The following NDUFV1 variants were observed in gnomAD, a reference collection of about 807,000 sequenced individuals.
NDUFV1 encodes NADH:ubiquinone oxidoreductase core subunit V1, also known as NADH dehydrogenase [ubiquinone] flavoprotein 1, mitochondrial.
NDUFV1 carries 41 observed loss-of-function variants against 48.7 expected under a neutral mutation model. That is an observed-to-expected ratio of 0.84 (90% CI 0.66 to 1.09). The LOEUF (loss-of-function observed/expected upper bound fraction) is 1.09. Among genes scored for constraint, NDUFV1 ranks in the 50% least tolerant of loss-of-function variants. The pLI, the probability that NDUFV1 is intolerant of heterozygous loss-of-function variation, is 0.00. For synonymous variants in NDUFV1, 231 were observed against 259.1 expected (o/e 0.89, Z 1.04); for missense variants, 580 against 645.4 (o/e 0.90, Z 1.10).
At chr11:67,609,838 T>A in intron 4 of NDUFV1, 5 of 225,504 alleles carry the variant, frequency 2.2e-5, no homozygotes, top group Middle Eastern at 1.5e-3. Context: ...CTGGTGTAAA[T>A]TTTTTTTTTT....
chr11:67,611,338 C>G lies in NDUFV1; in HGVS notation c.914-65C>G. The stretch of plus-strand genomic sequence containing the variant: ...GCTGACTAAGGGCCTGGGCTCAGGA[C>G]TAGGCAGGTGTGCCGGCCCCAGCCC... On this transcript the variant is annotated intron_variant, in intron 6 of 9. Transcript: ENST00000322776. This position sits in a 1 kb window ranked among gnomAD's most constrained non-coding sequence, Gnocchi z 4.2. 1 of 1,601,806 alleles carries G rather than the reference C, an allele frequency of 6.2e-7. No homozygotes were observed. Among genetic ancestry groups the G allele is most frequent in the Non-Finnish European group, 8.5e-7 (1 of 1,173,210 alleles).
chr11:67,611,742 G>A lies in NDUFV1; in HGVS notation c.1081-155G>A. The A allele has an allele frequency of 7.3e-7, 1 of 1,364,580 alleles. No homozygotes were observed. Among genetic ancestry groups the A allele is most frequent in the Non-Finnish European group, 1.0e-6 (1 of 983,410 alleles). 84.5% of individuals were successfully genotyped at this position (1,364,580 alleles called of 1,614,324 possible). A position where few individuals can be genotyped will look rare whatever the true frequency, so the allele number is the denominator to read the frequency against. On this transcript the variant is annotated intron_variant, in intron 7 of 9. Transcript: ENST00000322776. The surrounding 1 kb of genome is among the most constrained non-coding windows in gnomAD (Gnocchi z 4.2). The stretch of plus-strand genomic sequence containing the variant: ...CTCTGAGGAGAATACCCCGGAGTCT[G>A]GGCAGCACAGGGGGCCCAGGGAGGC...
Position 67,611,529 on chromosome 11 carries a change from C to A in NDUFV1, c.1040C>A (p.Thr347Lys). 1 of 1,612,114 alleles carries A rather than the reference C, an allele frequency of 6.2e-7. No homozygotes were observed. Among genetic ancestry groups the A allele is most frequent in the Non-Finnish European group, 8.5e-7 (1 of 1,179,162 alleles). Reference protein sequence around the residue: ...MDFDALVQAQTGLGTAAVIVM... With the variant: ...MDFDALVQAQKGLGTAAVIVM... ...TTCGATGCGCTGGTGCAGGCACAGA[C>A]AGGCCTGGGCACAGCTGCGGTGATC... Residue 347 changes from threonine to lysine, a missense_variant, in exon 7 of 10, where the codon ACA becomes AAA. Thr to Lys is a moderately conservative substitution (Grantham distance 78). Coordinates refer to ENST00000322776, the MANE Select transcript of NDUFV1 (RefSeq NM_007103.4). This position sits in a 1 kb window ranked among gnomAD's most constrained non-coding sequence, Gnocchi z 4.2.
chr11:67,611,890 C>A lies in NDUFV1; in HGVS notation c.1081-7C>A, dbSNP rs1462875290. 4 of 1,613,922 alleles carry A rather than the reference C, an allele frequency of 2.5e-6. No homozygotes were observed. The highest frequency in any genetic ancestry group is 2.5e-6 in the Non-Finnish European group (3 of 1,179,996). On this transcript the variant is annotated splice_region_variant and splice_polypyrimidine_tract_variant and intron_variant, in intron 7 of 9. Transcript: ENST00000322776. The surrounding 1 kb of genome is among the most constrained non-coding windows in gnomAD (Gnocchi z 4.2). ...TGGGTGCCTGCTAATTGCCCCTCGTCACCCAGACGGACATCGTGAAAGCCA... is the reference window on the plus strand; with the variant it reads ...TGGGTGCCTGCTAATTGCCCCTCGTAACCCAGACGGACATCGTGAAAGCCA...
At chr11:67,607,968 T>C (rs1277607602) in intron 1 of NDUFV1, among the ~76,000 whole-genome samples, 1 of 152,240 alleles carries the variant, frequency 6.6e-6, no homozygotes, top group Non-Finnish European at 1.5e-5. Context: ...GGCTCACGCC[T>C]GTAATCCCAG....
At position 67,611,240 on chromosome 11, in the gene NDUFV1, G is replaced by T. The variant is rs1565225656; in HGVS notation, c.913+33G>T. 6.3e-7 allele frequency: 1 copy of T among 1,583,484 alleles called. No homozygotes were observed. The highest frequency in any genetic ancestry group is 1.3e-5 in the African/African-American group (1 of 74,350). On this transcript the variant is annotated intron_variant, in intron 6 of 9. Transcript: ENST00000322776. The surrounding 1 kb of genome is among the most constrained non-coding windows in gnomAD (Gnocchi z 4.2). Reference sequence around the variant, plus strand: ...CTGGGGCCAGCCAGGTGGTGGGGGGGTGCGCAGTGGGGGCAGGTGTCCACA... The same window carrying T: ...CTGGGGCCAGCCAGGTGGTGGGGGGTTGCGCAGTGGGGGCAGGTGTCCACA...
rs776070099 is a variant in NDUFV1 at position 67,612,005 on chromosome 11, G to A, written c.1162+27G>A. ...TGAGCATCGGGCAGGTTGGGGGCTT[G>A]CTTGCTGTGGCTTCATTTAACCTCC... On this transcript the variant is annotated intron_variant, in intron 8 of 9. Coordinates refer to ENST00000322776, the MANE Select transcript of NDUFV1 (RefSeq NM_007103.4). This position sits in a 1 kb window ranked among gnomAD's most constrained non-coding sequence, Gnocchi z 4.4. 3 of 1,613,658 alleles carry A rather than the reference G, an allele frequency of 1.9e-6. No individual in the cohort carries two copies. Among genetic ancestry groups the A allele is most frequent in the Admixed American group, 3.3e-5 (2 of 60,026 alleles).
chr11:67,609,681 A>T, intron 4 of NDUFV1, 46 bp downstream of exon 4: 1 of 1,581,930 alleles, frequency 6.3e-7, no homozygotes, highest in Admixed American at 1.7e-5. Context: ...TTCAGTGTGC[A>T]CTCACACACC....
intron 4 of NDUFV1, 39 bp downstream of exon 4, chr11:67,609,674 A>G: frequency 6.3e-7 from 1 of 1,592,380 alleles, no homozygotes; most frequent in East Asian, 2.2e-5. Context: ...GAAGGTGTTC[A>G]GTGTGCACTC....
chr11:67,611,277 G>T lies in NDUFV1; in HGVS notation c.913+70G>T. On this transcript the variant is annotated intron_variant, in intron 6 of 9. Transcript: ENST00000322776. This position sits in a 1 kb window ranked among gnomAD's most constrained non-coding sequence, Gnocchi z 4.2. ...GGCAGGTGTCCACAAAGAGAGCCTG[G>T]GCGGGAGGGCTCAGGAGACGGGGCT... is the stretch of plus-strand genomic sequence containing the variant. 6.3e-7 allele frequency: 1 copy of T among 1,596,078 alleles called. No homozygotes were observed. Among genetic ancestry groups the T allele is most frequent in the East Asian group, 2.2e-5 (1 of 44,682 alleles).
intron 1 of NDUFV1, chr11:67,607,471 G>A: frequency 4.2e-6 from 2 of 476,168 alleles, no homozygotes; most frequent in Non-Finnish European, 8.3e-6. Context: ...CTCTTAAAAG[G>A]ATGGGAATCC....
rs112788936 is a variant in NDUFV1, at chr11:67,609,028, A to G, written c.326+306A>G. 5.5e-3 allele frequency among the ~76,000 whole-genome samples: 841 copies of G among 152,338 alleles called. 13 individuals are homozygous for G. The highest frequency in any genetic ancestry group is 0.019 in the African/African-American group (790 of 41,574). On this transcript the variant is annotated intron_variant, in intron 3 of 9. Coordinates refer to ENST00000322776, the MANE Select transcript of NDUFV1 (RefSeq NM_007103.4). ...TAGCTTCCTTTTTGTAAATAGGTAC[A>G]GTGATATCATGCAAGGATTAAAGAG...
chr11:67,611,104 C>T lies in NDUFV1; in HGVS notation c.810C>T (p.Asn270=), dbSNP rs906813597. ...TWFAGFGRER[N]SGTKLFNISG... is the part of the protein sequence containing the mutation. ...TTGCTGGCTTTGGCAGAGAACGCAA[C>T]TCAGGCACCAAACTATTCAACATCT... is the stretch of plus-strand genomic sequence containing the variant. Residue 270 remains asparagine (N), a synonymous_variant, in exon 6 of 10, where the codon AAC becomes AAT. Coordinates refer to ENST00000322776, the MANE Select transcript of NDUFV1 (RefSeq NM_007103.4). The surrounding 1 kb of genome is among the most constrained non-coding windows in gnomAD (Gnocchi z 4.2). The T allele has an allele frequency of 1.2e-6, 2 of 1,614,264 alleles. No individual in the cohort carries two copies. The highest frequency in any genetic ancestry group is 1.1e-5 in the South Asian group (1 of 91,086).
intron 1 of NDUFV1, chr11:67,607,351 C>G (rs764538896): frequency 4.7e-6 from 3 of 644,400 alleles, no homozygotes; most frequent in South Asian, 4.5e-5. Context: ...GTCTTTCATT[C>G]TCTCCTTGTC....
At chr11:67,609,368 C>T in intron 3 of NDUFV1, 84 bp from the exon 4 acceptor site, 2 of 1,448,844 alleles carry the variant, frequency 1.4e-6, no homozygotes, top group Non-Finnish European at 9.6e-7. Flanking sequence ...TCTTTGAGGC[C>T]TCCCTGGGTG....
chr11:67,608,380 C>G lies in NDUFV1; in HGVS notation c.73-16C>G, dbSNP rs895954906. On this transcript the variant is annotated splice_polypyrimidine_tract_variant and intron_variant, in intron 1 of 9. Transcript: ENST00000322776. ...CCCCAGAGCACTCTGGGCCTCCTGA[C>G]CCTTTGTCTCCCTAGACAGCACCCA... 2 of 1,611,524 alleles carry G rather than the reference C, an allele frequency of 1.2e-6. No individual in the cohort carries two copies. The highest frequency in any genetic ancestry group is 2.7e-5 in the African/African-American group (2 of 74,840).
Position 67,611,732 on chromosome 11 carries a change from C to T in NDUFV1, c.1080+163C>T. 1 of 1,378,466 alleles carries T rather than the reference C, an allele frequency of 7.3e-7. No individual in the cohort carries two copies. Among genetic ancestry groups the T allele is most frequent in the Admixed American group, 2.0e-5 (1 of 51,086 alleles). 85.4% of individuals were successfully genotyped at this position (1,378,466 alleles called of 1,614,324 possible). A position where few individuals can be genotyped will look rare whatever the true frequency, so the allele number is the denominator to read the frequency against. The stretch of plus-strand genomic sequence containing the variant: ...AGGAAGGCTGCTCTGAGGAGAATAC[C>T]CCGGAGTCTGGGCAGCACAGGGGGC... On this transcript the variant is annotated intron_variant, in intron 7 of 9. Transcript: ENST00000322776. The surrounding 1 kb of genome is among the most constrained non-coding windows in gnomAD (Gnocchi z 4.2).
chr11:67,607,168 C>T (rs1854821664), intron 1 of NDUFV1, 92 bp downstream of exon 1: 2 of 1,365,160 alleles, frequency 1.5e-6, no homozygotes, highest in East Asian at 2.5e-5. Flanking sequence ...CTGTAGTGGC[C>T]TCTGGAGAGC....
In NDUFV1 at chr11:67,607,962, C is replaced by A. The variant is rs542161750; in HGVS notation, c.73-434C>A. Among the ~76,000 whole-genome samples, 4 of 152,326 alleles carry A rather than the reference C, an allele frequency of 2.6e-5. 1 individual carries two copies. Among genetic ancestry groups the A allele is most frequent in the African/African-American group, 9.6e-5 (4 of 41,558 alleles). On this transcript the variant is annotated intron_variant, in intron 1 of 9. Transcript: ENST00000322776. ...TTACTAATGGCCGGGCGCGGTGGCT[C>A]ACGCCTGTAATCCCAGCACTTTGGG...
Sources: allele counts gnomAD v4.1 joint callset (sites outside exome capture counted in the v4.1 genomes callset), GRCh38; gene constraint gnomAD v4.1.1; non-coding constraint Gnocchi (gnomAD v3.1); transcripts MANE v1.5; gene names NCBI Gene and HGNC (gene_info 2026-07-23, HGNC 2026-07-21).